TLL2: variants seen among roughly 807,000 people sequenced by gnomAD.
The protein encoded by TLL2 is tolloid-like protein 2.
A neutral mutation model predicts 123.0 loss-of-function variants in TLL2; 106 were observed. The observed-to-expected ratio is 0.86, with a 90% CI of 0.74 to 1.01. The LOEUF is 1.01. Ranked by LOEUF, TLL2 falls within the 50% of genes least tolerant of loss-of-function variation. TLL2 has a pLI of 0.00. For missense variants in TLL2, 1,332 were observed against 1,336.7 expected (o/e 1.00, Z 0.06); for synonymous variants, 494 against 516.8 (o/e 0.96, Z 0.60).
At chr10:96,404,309 CA>C (rs1846428496) in intron 10 of TLL2, among the ~76,000 whole-genome samples, 1 of 150,766 alleles carries the variant, frequency 6.6e-6, no homozygotes, top group Non-Finnish European at 1.5e-5. Context: ...ACCACCTGCC[CA>C]CTGTGTCTCA....
Position 96,370,032 on chromosome 10 carries a change from C to A in TLL2, c.2913+33G>T, listed in dbSNP as rs777258180. On this transcript the variant is annotated intron_variant, in intron 20 of 20. Coordinates refer to ENST00000357947, the MANE Select transcript of TLL2 (RefSeq NM_012465.4). ...ACAACTCCTGCTGTGAATCATCACA[C>A]TCTGCCCCGGCCCCAGCGTCTCCGG... is the stretch of plus-strand genomic sequence containing the variant. The A allele has an allele frequency of 2.5e-5, 38 of 1,527,020 alleles. No homozygotes were observed. The South Asian group carries it at 4.7e-4, about 19-fold the overall frequency. 94.6% of individuals were successfully genotyped at this position (1,527,020 alleles called of 1,614,324 possible). A position where few individuals can be genotyped will look rare whatever the true frequency, so the allele number is the denominator to read the frequency against.
intron 1 of TLL2, among the ~76,000 whole-genome samples, chr10:96,487,572 G>A (rs952448357): frequency 3.9e-5 from 6 of 152,180 alleles, no homozygotes; most frequent in Non-Finnish European, 8.8e-5. Flanking sequence ...AGTAGGTGGA[G>A]TTGGGGGAGG....
chr10:96,509,812 T>C (rs989170026), intron 1 of TLL2, among the ~76,000 whole-genome samples: 1 of 152,182 alleles, frequency 6.6e-6, no homozygotes, highest in Admixed American at 6.5e-5. Flanking sequence ...CTGGGCATAG[T>C]GGCAGGCGCC....
rs1198404114 is a variant in TLL2, at chr10:96,487,675, G to T, written c.176-7216C>A. 2.0e-5 allele frequency among the ~76,000 whole-genome samples: 3 copies of T among 152,174 alleles called. No homozygotes were observed. The East Asian group carries it at 5.8e-4, about 29-fold the overall frequency. ...TTAGTTTTTGCATCAACGCATATTGGTCTCGTTCCACTTTTACCGATTAAG... is the reference window on the plus strand; with the variant it reads ...TTAGTTTTTGCATCAACGCATATTGTTCTCGTTCCACTTTTACCGATTAAG... On this transcript the variant is annotated intron_variant, in intron 1 of 20. Transcript: ENST00000357947.
rs56011735 is a variant in TLL2, at chr10:96,411,257, CAAAAAAAAAAAAAAAAAAA to C, written c.1049-802_1049-784del. On this transcript the variant is annotated intron_variant, in intron 8 of 20. Coordinates refer to ENST00000357947, the MANE Select transcript of TLL2 (RefSeq NM_012465.4). ...TGGGTGACAGAGTGAGACTCTGTCT[CAAAAAAAAAAAAAAAAAAA>C]AAAAAAAAAAAAAAAAAAGTGGAAG... Among the ~76,000 whole-genome samples the C allele has an allele frequency of 9.3e-3, 889 of 95,138 alleles. 7 individuals are homozygous for C. The highest frequency in any genetic ancestry group is 0.035 in the African/African-American group (796 of 22,502). The allele number at this position is 95,138 out of a possible 152,430, so 62.4% of individuals were successfully genotyped here. A position where few individuals can be genotyped will look rare whatever the true frequency, so the allele number is the denominator to read the frequency against.
intron 2 of TLL2, among the ~76,000 whole-genome samples, chr10:96,456,050 G>A (rs1216265517): frequency 1.3e-5 from 2 of 152,210 alleles, no homozygotes; most frequent in African/African-American, 2.4e-5. Flanking sequence ...AGTCCTGTGA[G>A]GTAGAGTCTA....
At chr10:96,399,862 G>A (rs1455065965) in intron 10 of TLL2, among the ~76,000 whole-genome samples, 1 of 152,212 alleles carries the variant, frequency 6.6e-6, no homozygotes, top group African/African-American at 2.4e-5. Flanking sequence ...AAGGACCTAA[G>A]CAGATGAGAT....
intron 18 of TLL2, among the ~76,000 whole-genome samples, chr10:96,376,037 C>A (rs763193933): frequency 2.2e-4 from 34 of 151,960 alleles, no homozygotes; most frequent in Non-Finnish European, 4.3e-4. Flanking sequence ...ACATCATATA[C>A]GTGAAAAAGA....
intron 1 of TLL2, among the ~76,000 whole-genome samples, chr10:96,487,260 T>C (rs1401841467): frequency 2.0e-5 from 3 of 152,142 alleles, no homozygotes; most frequent in African/African-American, 7.2e-5. Flanking sequence ...GTGGCAAGCA[T>C]GCAGTGAAGA....
intron 14 of TLL2, 58 bp downstream of exon 14, chr10:96,386,895 T>TC: frequency 2.5e-6 from 4 of 1,596,304 alleles, no homozygotes; most frequent in Non-Finnish European, 3.4e-6. Context: ...CTGCCCCACT[T>TC]CCCCAAAGAC....
intron 2 of TLL2, among the ~76,000 whole-genome samples, chr10:96,460,743 C>T (rs1348506715): frequency 1.3e-5 from 2 of 152,202 alleles, no homozygotes; most frequent in Non-Finnish European, 2.9e-5. Context: ...GTCAATTAAA[C>T]CTCTTTTCTT....
chr10:96,511,209 G>C (rs967993333), intron 1 of TLL2, among the ~76,000 whole-genome samples: 1 of 152,222 alleles, frequency 6.6e-6, no homozygotes, highest in Non-Finnish European at 1.5e-5. Context: ...CTAAAGGTTT[G>C]CCTTAAATAT....
At chr10:96,452,657 G>A (rs1314474574) in intron 2 of TLL2, among the ~76,000 whole-genome samples, 2 of 152,316 alleles carry the variant, frequency 1.3e-5, no homozygotes, top group East Asian at 3.9e-4. Flanking sequence ...GCATTTCAAA[G>A]AGGGCCCGTC....
chr10:96,482,526 C>T (rs774889290), intron 1 of TLL2, among the ~76,000 whole-genome samples: 8 of 152,154 alleles, frequency 5.3e-5, no homozygotes, highest in East Asian at 3.8e-4. Context: ...CAGGCTCCAA[C>T]GTGTATGAAT....
chr10:96,398,992 C>T (rs1031510425), intron 10 of TLL2, among the ~76,000 whole-genome samples: 1 of 151,634 alleles, frequency 6.6e-6, no homozygotes, highest in Non-Finnish European at 1.5e-5. Flanking sequence ...CTGCCTCACC[C>T]TCCCAAGTAG....
chr10:96,482,456 C>T (rs904022545), intron 1 of TLL2, among the ~76,000 whole-genome samples: 1 of 152,134 alleles, frequency 6.6e-6, no homozygotes, highest in Admixed American at 6.5e-5. Context: ...TGGATGAACA[C>T]AACGTGGCAT....
intron 1 of TLL2, among the ~76,000 whole-genome samples, chr10:96,481,298 C>T (rs1847309746): frequency 6.6e-6 from 1 of 152,114 alleles, no homozygotes; most frequent in Non-Finnish European, 1.5e-5. Flanking sequence ...AGGCATGTGA[C>T]ACCACGCCTG....
rs753968682 is a variant in TLL2 at position 96,428,614 on chromosome 10, C to T, written c.638+17G>A. 9 of 1,561,812 alleles carry T rather than the reference C, an allele frequency of 5.8e-6. No homozygotes were observed. The highest frequency in any genetic ancestry group is 3.4e-5 in the South Asian group (3 of 89,280). On this transcript the variant is annotated intron_variant, in intron 5 of 20. Coordinates refer to ENST00000357947, the MANE Select transcript of TLL2 (RefSeq NM_012465.4). The stretch of plus-strand genomic sequence containing the variant: ...CCGACTGATTCTGCAGAGGTGGCCT[C>T]GCTTTCGTTTACTTACCCACAGGTT...
At chr10:96,459,613 T>C (rs577339078) in intron 2 of TLL2, among the ~76,000 whole-genome samples, 1 of 132,320 alleles carries the variant, frequency 7.6e-6, no homozygotes, top group African/African-American at 2.9e-5. Flanking sequence ...GAGGTTGCAG[T>C]CAACCAAAAT....
Sources: gnomAD v4.1 joint callset for allele counts (sites outside exome capture counted in the v4.1 genomes callset) on GRCh38, gnomAD v4.1.1 for gene constraint, MANE v1.5 for transcripts, NCBI Gene and HGNC (gene_info 2026-07-23, HGNC 2026-07-21) for gene names.